Variants in PDE4B observed in about 807,000 individuals in gnomAD.
PDE4B encodes the protein phosphodiesterase 4B.
Under a neutral mutation model 82.2 loss-of-function variants are expected in PDE4B, and 20 were observed. That is an observed-to-expected ratio of 0.24 (90% CI 0.17 to 0.35). The LOEUF (loss-of-function observed/expected upper bound fraction) is 0.35. Among genes scored for constraint, PDE4B ranks in the 10% least tolerant of loss-of-function variants. The pLI is 1.00. For missense variants in PDE4B, 655 were observed against 907.2 expected (o/e 0.72, Z 3.57); for synonymous variants, 320 against 318.9 (o/e 1.00, Z -0.04).
intron 8 of PDE4B, among the ~76,000 whole-genome samples, chr1:66,336,495 A>C (rs1306031122): frequency 5.9e-5 from 9 of 152,336 alleles, no homozygotes; most frequent in Admixed American, 5.9e-4. Context: ...TCAAGCAACT[A>C]GTCACTGTCT....
At chr1:65,894,618 A>T (rs766588090) in intron 1 of PDE4B, among the ~76,000 whole-genome samples, 1 of 152,190 alleles carries the variant, frequency 6.6e-6, no homozygotes, top group South Asian at 2.1e-4. Context: ...TACAAAGCAT[A>T]TATCTTGTAA....
At chr1:66,016,448 A>T (rs1193628839) in intron 3 of PDE4B, among the ~76,000 whole-genome samples, 1 of 152,216 alleles carries the variant, frequency 6.6e-6, no homozygotes, top group Middle Eastern at 3.2e-3. Flanking sequence ...CTTTGACACC[A>T]TTATTCAGCT....
At chr1:66,258,963 C>T (rs1401509698) in intron 6 of PDE4B, among the ~76,000 whole-genome samples, 2 of 152,072 alleles carry the variant, frequency 1.3e-5, no homozygotes, top group East Asian at 1.9e-4. Flanking sequence ...ACTGTGTCAC[C>T]CTCCAGCTTG....
At chr1:66,231,032 T>TAA (rs11285418) in intron 3 of PDE4B, among the ~76,000 whole-genome samples, 4,313 of 106,834 alleles carry the variant, frequency 0.04, 221 homozygotes, top group African/African-American at 0.12. Flanking sequence ...AGAATCTGTC[T>TAA]AAAAAAAAAA....
chr1:65,868,564 A>T (rs1275481787), intron 1 of PDE4B, among the ~76,000 whole-genome samples: 1 of 152,182 alleles, frequency 6.6e-6, no homozygotes, highest in Non-Finnish European at 1.5e-5. Context: ...ATAAATACTT[A>T]TCAAGCACCA....
At chr1:66,000,219 C>T (rs184757477) in intron 3 of PDE4B, among the ~76,000 whole-genome samples, 18 of 152,350 alleles carry the variant, frequency 1.2e-4, no homozygotes, top group Non-Finnish European at 1.9e-4. Flanking sequence ...ACATATCTCT[C>T]ACCAAATGCC....
intron 1 of PDE4B, among the ~76,000 whole-genome samples, chr1:65,836,152 G>A (rs1438681460): frequency 6.6e-6 from 1 of 152,006 alleles, no homozygotes; most frequent in African/African-American, 2.4e-5. Flanking sequence ...ATGTTGGCCA[G>A]GCTGGTCTCG....
intron 3 of PDE4B, among the ~76,000 whole-genome samples, chr1:65,957,206 G>GTTGAATT (rs1180246830): frequency 2.0e-5 from 3 of 151,374 alleles, no homozygotes; most frequent in Admixed American, 1.3e-4. Flanking sequence ...TTTTGATGTA[G>GTTGAATT]TTGAATTTCA....
chr1:65,896,177 G>A (rs1450667050), intron 1 of PDE4B, among the ~76,000 whole-genome samples: 2 of 152,004 alleles, frequency 1.3e-5, no homozygotes, highest in South Asian at 4.1e-4. Flanking sequence ...ATTTAAAAAA[G>A]AAAGAGGTTT....
chr1:66,365,896 C>T, intron 13 of PDE4B, 130 bp downstream of exon 13: 1 of 531,018 alleles, frequency 1.9e-6, no homozygotes, highest in Non-Finnish European at 3.3e-6. Context: ...TTCTCTCAAA[C>T]TGGTCAGGCC....
At chr1:65,952,590 G>A (rs1649061440) in intron 3 of PDE4B, among the ~76,000 whole-genome samples, 2 of 152,084 alleles carry the variant, frequency 1.3e-5, no homozygotes, top group East Asian at 3.9e-4. Context: ...GGCTGAGGAG[G>A]GAAAATTGCT....
intron 3 of PDE4B, among the ~76,000 whole-genome samples, chr1:66,119,520 A>G (rs761156536): frequency 6.6e-6 from 1 of 152,120 alleles, no homozygotes; most frequent in Non-Finnish European, 1.5e-5. Context: ...AGCATTCTCT[A>G]TAAACCAAAA....
At chr1:66,008,738 T>C (rs1258102720) in intron 3 of PDE4B, among the ~76,000 whole-genome samples, 1 of 152,098 alleles carries the variant, frequency 6.6e-6, no homozygotes, top group African/African-American at 2.4e-5. Context: ...GTGTTCTTCC[T>C]GAGATTATGA....
At chr1:65,904,366 A>C (rs1647004725) in intron 1 of PDE4B, among the ~76,000 whole-genome samples, 1 of 152,188 alleles carries the variant, frequency 6.6e-6, no homozygotes, top group South Asian at 2.1e-4. Flanking sequence ...TCTTGTTGAA[A>C]CATAAGATAA....
intron 3 of PDE4B, among the ~76,000 whole-genome samples, chr1:66,126,629 T>C (rs1264718342): frequency 6.6e-6 from 1 of 152,190 alleles, no homozygotes; most frequent in Non-Finnish European, 1.5e-5. Flanking sequence ...TAAATAAATG[T>C]AGAAGGAATT....
At chr1:66,345,406 A>G (rs1570739206) in intron 8 of PDE4B, among the ~76,000 whole-genome samples, 1 of 152,280 alleles carries the variant, frequency 6.6e-6, no homozygotes, top group Admixed American at 6.5e-5. Context: ...ACCTTCTTTT[A>G]TTACCCTAAT....
chr1:66,195,022 C>T (rs532069690), intron 3 of PDE4B, among the ~76,000 whole-genome samples: 23 of 152,182 alleles, frequency 1.5e-4, no homozygotes, highest in Non-Finnish European at 2.5e-4. Context: ...TTAAACCAAA[C>T]TTTGGTTTAC....
chr1:65,945,848 C>T (rs1469086427), intron 3 of PDE4B, among the ~76,000 whole-genome samples: 1 of 151,902 alleles, frequency 6.6e-6, no homozygotes, highest in Non-Finnish European at 1.5e-5. Flanking sequence ...CACTTTGTGC[C>T]CACTCTCATA....
At chr1:66,169,033 C>T (rs971495870) in intron 3 of PDE4B, among the ~76,000 whole-genome samples, 1 of 152,178 alleles carries the variant, frequency 6.6e-6, no homozygotes, top group African/African-American at 2.4e-5. Context: ...TGACACTGTG[C>T]CCTGAAAAAC....
Sources: allele counts gnomAD v4.1 joint callset (sites outside exome capture counted in the v4.1 genomes callset), GRCh38; gene constraint gnomAD v4.1.1; transcripts MANE v1.5; gene names NCBI Gene and HGNC (gene_info 2026-07-23, HGNC 2026-07-21).